The following ZFYVE1 variants were observed in gnomAD, a reference collection of about 807,000 sequenced individuals.
The protein encoded by ZFYVE1 is zinc finger FYVE domain-containing protein 1.
ZFYVE1 carries 30 observed loss-of-function variants against 74.4 expected under a neutral mutation model. The ratio of observed to expected loss-of-function variants is 0.40; its 90% confidence interval spans 0.30 to 0.55. ZFYVE1 has a LOEUF of 0.55. Ranked by LOEUF, ZFYVE1 falls within the 20% of genes least tolerant of loss-of-function variation. ZFYVE1 has a pLI of 0.42. For synonymous variants in ZFYVE1, 335 were observed against 385.1 expected (o/e 0.87, Z 1.52); for missense variants, 703 against 1,011.6 (o/e 0.69, Z 4.14).
chr14:73,007,611 G>GC (rs1471842153), intron 2 of ZFYVE1, among the ~76,000 whole-genome samples: 1 of 152,034 alleles, frequency 6.6e-6, no homozygotes, highest in Admixed American at 6.6e-5. Context: ...CTGGCCTCAG[G>GC]CAATACTCCT....
At chr14:72,992,630 T>TCCCCCAC (rs1324391955) in intron 4 of ZFYVE1, among the ~76,000 whole-genome samples, 1 of 55,306 alleles carries the variant, frequency 1.8e-5, no homozygotes, top group African/African-American at 7.1e-5. Context: ...CCCCGCCCCT[T>TCCCCCAC]GCAAGAGAGA....
Position 72,997,989 on chromosome 14 carries a change from G to A in ZFYVE1, c.810C>T (p.Asp270=). ...ATTTGAAGAGGTCGTTATGCAGCCG[G>A]TCTGCATGAGTTCGATAGATGACGA... The part of the protein sequence containing the change: ...SDLVIYRTHA[D]RLHNDLFKFL... Residue 270 remains aspartate, a synonymous_variant, in exon 3 of 12, where the codon GAC becomes GAT. Coordinates refer to ENST00000556143, the MANE Select transcript of ZFYVE1 (RefSeq NM_021260.4). The A allele has an allele frequency of 6.2e-7, 1 of 1,614,160 alleles. No homozygotes were observed. Among genetic ancestry groups the A allele is most frequent in the Non-Finnish European group, 8.5e-7 (1 of 1,180,040 alleles).
rs1385785293 is a variant in ZFYVE1 at position 73,023,404 on chromosome 14, TA to T, written c.483+621del. Among the ~76,000 whole-genome samples, 53 of 136,360 alleles carry T rather than the reference TA, an allele frequency of 3.9e-4. 2 individuals carry two copies. The highest frequency in any genetic ancestry group is 1.4e-3 in the African/African-American group (52 of 35,880). 89.5% of individuals were successfully genotyped at this position (136,360 alleles called of 152,430 possible). A position where few individuals can be genotyped will look rare whatever the true frequency, so the allele number is the denominator to read the frequency against. ...ATATATATTTTATGTGTTTTATATA[TA>T]ATATATATTTTATGTTTTATATATA... is the stretch of plus-strand genomic sequence containing the variant. On this transcript the variant is annotated intron_variant, in intron 2 of 11. Transcript: ENST00000556143.
chr14:73,017,284 C>T (rs1431423556), intron 2 of ZFYVE1, among the ~76,000 whole-genome samples: 1 of 152,178 alleles, frequency 6.6e-6, no homozygotes, highest in Non-Finnish European at 1.5e-5. Context: ...TTTATACCAC[C>T]AGATAACTCC....
In ZFYVE1 at chr14:72,975,754, TGA is replaced by T. The variant is rs1893153565; in HGVS notation, c.1636-35_1636-34del. ...GAAAACGCAGGCTTCCATCATGCTC[TGA>T]GAAGGGAGTGAAAGGAAGGAGGAAG... On this transcript the variant is annotated intron_variant, in intron 8 of 11. Coordinates refer to ENST00000556143, the MANE Select transcript of ZFYVE1 (RefSeq NM_021260.4). The surrounding 1 kb of genome is among the most constrained non-coding windows in gnomAD (Gnocchi z 4.1). The T allele has an allele frequency of 3.7e-6, 6 of 1,607,812 alleles. No individual in the cohort carries two copies. Among genetic ancestry groups the T allele is most frequent in the African/African-American group, 1.3e-5 (1 of 74,834 alleles).
At chr14:72,986,647 G>A (rs954877035) in intron 4 of ZFYVE1, among the ~76,000 whole-genome samples, 8 of 146,708 alleles carry the variant, frequency 5.5e-5, no homozygotes, top group African/African-American at 1.3e-4. Flanking sequence ...TGCAATCTCC[G>A]CCTCCCAAGT....
rs764122516 is a variant in ZFYVE1, at chr14:73,024,239, C to A, written c.270G>T (p.Val90=). 6.2e-7 allele frequency: 1 copy of A among 1,614,216 alleles called. No individual in the cohort carries two copies. Among genetic ancestry groups the A allele is most frequent in the Non-Finnish European group, 8.5e-7 (1 of 1,180,050 alleles). ...AGTTAATTTTGCAGGTCTGGCACCT[C>A]ACTATTGCCCTCTGCCTAACACCTG... ...HLPGVRQRAI[V]RCQTCKINLC... The change falls in exon 2 of 12, where the codon GTG becomes GTT. Residue 90 remains valine, a synonymous_variant. Transcript: ENST00000556143.
chr14:73,004,858 G>C (rs1893944265), intron 2 of ZFYVE1, among the ~76,000 whole-genome samples: 1 of 151,998 alleles, frequency 6.6e-6, no homozygotes, highest in Admixed American at 6.6e-5. Context: ...AATTGGCCAG[G>C]CGTTGCGGCA....
chr14:72,995,923 G>A (rs1893732545), intron 3 of ZFYVE1, among the ~76,000 whole-genome samples: 1 of 152,138 alleles, frequency 6.6e-6, no homozygotes, highest in Non-Finnish European at 1.5e-5. Context: ...CCCTGCCTCA[G>A]TCATCCTGCA....
At chr14:72,997,605 T>C (rs72734424) in intron 3 of ZFYVE1, among the ~76,000 whole-genome samples, 3,353 of 152,320 alleles carry the variant, frequency 0.022, 63 homozygotes, top group Non-Finnish European at 0.035. Flanking sequence ...CCAAAGCCAA[T>C]TGGCAATTCT....
intron 11 of ZFYVE1, among the ~76,000 whole-genome samples, chr14:72,972,586 C>T (rs1893061959): frequency 6.6e-6 from 1 of 152,246 alleles, no homozygotes; most frequent in African/African-American, 2.4e-5. Flanking sequence ...TGCCACGCTG[C>T]CCCAGGCCTG....
chr14:73,003,001 C>CA (rs1246913254), intron 2 of ZFYVE1, among the ~76,000 whole-genome samples: 2 of 150,668 alleles, frequency 1.3e-5, no homozygotes, highest in African/African-American at 2.4e-5. Flanking sequence ...CTCGGCCTCC[C>CA]AAAGCACTGG....
In ZFYVE1 at chr14:72,975,407, C is replaced by A. The variant is rs951176192; in HGVS notation, c.1806+144G>T. Reference sequence around the variant, plus strand: ...GAGAAACTGGCTGCCTCAACGACTCCTCCCCTTGCCGGTACTCACAGAGCT... The same window carrying A: ...GAGAAACTGGCTGCCTCAACGACTCATCCCCTTGCCGGTACTCACAGAGCT... On this transcript the variant is annotated intron_variant, in intron 9 of 11. Coordinates refer to ENST00000556143, the MANE Select transcript of ZFYVE1 (RefSeq NM_021260.4). The surrounding 1 kb of genome is among the most constrained non-coding windows in gnomAD (Gnocchi z 4.1). The A allele has an allele frequency of 9.5e-6, 10 of 1,051,894 alleles. No homozygotes were observed. The highest frequency in any genetic ancestry group is 2.6e-5 in the Admixed American group (1 of 38,736). 65.2% of individuals were successfully genotyped at this position (1,051,894 alleles called of 1,614,324 possible). A position where few individuals can be genotyped will look rare whatever the true frequency, so the allele number is the denominator to read the frequency against.
At chr14:72,979,770 C>G (rs1027099292) in intron 5 of ZFYVE1, among the ~76,000 whole-genome samples, 1 of 152,046 alleles carries the variant, frequency 6.6e-6, no homozygotes, top group Non-Finnish European at 1.5e-5. Flanking sequence ...CTGAACGTCT[C>G]TCAGAAGACT....
chr14:72,975,211 A>G lies in ZFYVE1; in HGVS notation c.1807-252T>C. On this transcript the variant is annotated intron_variant, in intron 9 of 11. Coordinates refer to ENST00000556143, the MANE Select transcript of ZFYVE1 (RefSeq NM_021260.4). The surrounding 1 kb of genome is among the most constrained non-coding windows in gnomAD (Gnocchi z 4.1). Reference sequence around the variant, plus strand: ...GCTCTGGGTGCTGTAGCGTTAATGGATCAAGCTGAGGATGACCCTAAATAA... The same window carrying G: ...GCTCTGGGTGCTGTAGCGTTAATGGGTCAAGCTGAGGATGACCCTAAATAA... 3.9e-6 allele frequency: 2 copies of G among 519,092 alleles called. No homozygotes were observed. Among genetic ancestry groups the G allele is most frequent in the Middle Eastern group, 5.2e-4 (1 of 1,924 alleles). 32.2% of individuals were successfully genotyped at this position (519,092 alleles called of 1,614,324 possible).
intron 2 of ZFYVE1, among the ~76,000 whole-genome samples, chr14:73,010,872 T>C (rs186716239): frequency 1.3e-5 from 2 of 150,886 alleles, no homozygotes; most frequent in African/African-American, 4.9e-5. Context: ...AATAACAAAT[T>C]ATGTCAATAT....
At chr14:72,984,313 G>A (rs553685944) in intron 4 of ZFYVE1, among the ~76,000 whole-genome samples, 4 of 152,202 alleles carry the variant, frequency 2.6e-5, no homozygotes, top group Middle Eastern at 3.4e-3. Context: ...GGTGGATCAC[G>A]AGGTCAGGAG....
chr14:73,026,737 C>T (rs980204968), intron 1 of ZFYVE1, among the ~76,000 whole-genome samples, 189 bp downstream of exon 1: 3 of 151,154 alleles, frequency 2.0e-5, no homozygotes, highest in Non-Finnish European at 4.4e-5. Context: ...AAAGAAGGTC[C>T]CCCAAAATCC....
intron 3 of ZFYVE1, 89 bp from the exon 4 acceptor site, chr14:72,993,446 T>A: frequency 8.0e-7 from 1 of 1,242,710 alleles, no homozygotes; most frequent in Non-Finnish European, 1.1e-6. Flanking sequence ...CCCACACCTG[T>A]AACCCTAGCA....
Sources: allele counts gnomAD v4.1 joint callset (sites outside exome capture counted in the v4.1 genomes callset), GRCh38; gene constraint gnomAD v4.1.1; non-coding constraint Gnocchi (gnomAD v3.1); transcripts MANE v1.5; gene names NCBI Gene and HGNC (gene_info 2026-07-23, HGNC 2026-07-21).